GARRE1: variants seen among roughly 807,000 people sequenced by gnomAD.
GARRE1 encodes the protein granule associated Rac and RHOG effector 1, also known as granule associated Rac and RHOG effector protein 1.
In GARRE1, 49 loss-of-function variants were observed where a neutral mutation model predicts 103.2. The ratio of observed to expected loss-of-function variants is 0.47; its 90% CI spans 0.38 to 0.60. The LOEUF is 0.60. GARRE1 is among the 20% of genes least tolerant of loss of function. The probability of loss-of-function intolerance (pLI) is 0.00; values close to 1 mark genes in which losing one functional copy is unlikely to be tolerated. For synonymous variants in GARRE1, 505 were observed against 532.8 expected, an observed-to-expected ratio of 0.95 and a Z score of 0.72; for missense variants, 1,199 against 1,370.5, an observed-to-expected ratio of 0.87 and a Z score of 1.98.
chr19:34,316,536 G>A (rs537988984), intron 2 of GARRE1, among the ~76,000 whole-genome samples: 3 of 152,296 alleles, frequency 2.0e-5, no homozygotes, highest in South Asian at 4.1e-4. Context: ...TGAGATCCTC[G>A]GAGGGGAAAG....
At chr19:34,287,266 CAG>C (rs1384799308) in intron 1 of GARRE1, among the ~76,000 whole-genome samples, 2 of 152,190 alleles carry the variant, frequency 1.3e-5, no homozygotes, top group East Asian at 3.9e-4. Context: ...ATTCTAGTAT[CAG>C]AGAAGGAAGT....
At chr19:34,333,320 C>T (rs759789488) in intron 7 of GARRE1, among the ~76,000 whole-genome samples, 3 of 152,140 alleles carry the variant, frequency 2.0e-5, no homozygotes, top group Non-Finnish European at 2.9e-5. Context: ...GGATTACAGG[C>T]GTGAGCCACT....
At chr19:34,306,179 C>T (rs540098151) in intron 2 of GARRE1, among the ~76,000 whole-genome samples, 1 of 152,310 alleles carries the variant, frequency 6.6e-6, no homozygotes, top group East Asian at 1.9e-4. Context: ...ATAAGCAAGG[C>T]CCTGAGAGTC....
At chr19:34,268,986 C>G (rs887301353) in intron 1 of GARRE1, among the ~76,000 whole-genome samples, 2 of 152,156 alleles carry the variant, frequency 1.3e-5, no homozygotes, top group African/African-American at 4.8e-5. Context: ...TGTTCTTTAT[C>G]TATATTACTA....
intron 1 of GARRE1, among the ~76,000 whole-genome samples, chr19:34,270,840 GCA>G (rs1413306263): frequency 2.0e-5 from 3 of 152,190 alleles, no homozygotes; most frequent in Non-Finnish European, 4.4e-5. Context: ...CTTAAGAGCT[GCA>G]CTGTTGACAT....
At chr19:34,301,504 A>G (rs1160531198) in intron 2 of GARRE1, among the ~76,000 whole-genome samples, 1 of 117,934 alleles carries the variant, frequency 8.5e-6, no homozygotes, top group Non-Finnish European at 1.8e-5. Flanking sequence ...GCAGAGTGAG[A>G]CCATGTCTCA....
At chr19:34,323,616 A>G (rs1175702497) in intron 3 of GARRE1, among the ~76,000 whole-genome samples, 1 of 152,106 alleles carries the variant, frequency 6.6e-6, no homozygotes, top group Non-Finnish European at 1.5e-5. Flanking sequence ...GTAGATGGCT[A>G]AGCCCTGAGG....
chr19:34,317,621 C>T (rs2074066151), intron 2 of GARRE1, among the ~76,000 whole-genome samples: 1 of 152,200 alleles, frequency 6.6e-6, no homozygotes, highest in African/African-American at 2.4e-5. Context: ...TTAGAGTCTG[C>T]TGAAGGCAGT....
At chr19:34,286,945 A>G (rs1289464399) in intron 1 of GARRE1, among the ~76,000 whole-genome samples, 1 of 152,042 alleles carries the variant, frequency 6.6e-6, no homozygotes. Context: ...AGCATACATC[A>G]GAATCATCTG....
intron 1 of GARRE1, among the ~76,000 whole-genome samples, chr19:34,273,353 C>G (rs1010347177): frequency 1.3e-5 from 2 of 152,114 alleles, no homozygotes; most frequent in Non-Finnish European, 2.9e-5. Flanking sequence ...GTGACTGGTC[C>G]ATTTCTTTGG....
At chr19:34,318,313 G>A (rs2074069310) in intron 2 of GARRE1, among the ~76,000 whole-genome samples, 1 of 152,220 alleles carries the variant, frequency 6.6e-6, no homozygotes, top group Non-Finnish European at 1.5e-5. Flanking sequence ...GTGCACCTGA[G>A]GGGAGAGGAA....
At position 34,333,691 on chromosome 19, in the gene GARRE1, T is replaced by TTTTTTTTTTTC; in HGVS notation, c.1264-10_1264-9insTTTTTTTCTTT. 1 of 1,394,200 alleles carries TTTTTTTTTTTC rather than the reference T, an allele frequency of 7.2e-7. No individual in the cohort carries two copies. Among genetic ancestry groups the TTTTTTTTTTTC allele is most frequent in the Admixed American group, 2.1e-5 (1 of 47,528 alleles). The allele number at this position is 1,394,200 out of a possible 1,614,324, so 86.4% of individuals were successfully genotyped here. On this transcript the variant is annotated splice_polypyrimidine_tract_variant and intron_variant, in intron 7 of 13. Coordinates refer to ENST00000299505, the MANE Select transcript of GARRE1 (RefSeq NM_014686.5). Reference sequence around the variant, plus strand: ...GGTTGTTATTTGTTTTTTTTTTTTTTTTTCGATCTTAGGTGGTGGTTGACA... The same window carrying TTTTTTTTTTTC: ...GGTTGTTATTTGTTTTTTTTTTTTTTTTTTTTTTTTCTTTCGATCTTAGGTGGTGGTTGACA...
chr19:34,351,453 C>T lies in GARRE1; in HGVS notation c.2826-61C>T, dbSNP rs2074236458. The stretch of plus-strand genomic sequence containing the variant: ...GCTGGAGCCTAGCACTAGTGTGTAC[C>T]CTACAGGTGGGCTGGGCAGGAAGCC... On this transcript the variant is annotated intron_variant, in intron 12 of 13. Coordinates refer to ENST00000299505, the MANE Select transcript of GARRE1 (RefSeq NM_014686.5). 7.7e-6 allele frequency: 10 copies of T among 1,291,564 alleles called. No homozygotes were observed. The South Asian group carries it at 1.1e-4, about 14-fold the overall frequency. 80.0% of individuals were successfully genotyped at this position (1,291,564 alleles called of 1,614,324 possible). A position where few individuals can be genotyped will look rare whatever the true frequency, so the allele number is the denominator to read the frequency against.
At position 34,300,182 on chromosome 19, in the gene GARRE1, C is replaced by T. The variant is rs577391476; in HGVS notation, c.-292C>T. On this transcript the variant is annotated 5_prime_UTR_variant, in exon 2 of 14. Coordinates refer to ENST00000299505, the MANE Select transcript of GARRE1 (RefSeq NM_014686.5). ...CTTGCAAAGAAGTAAACATTTTTCT[C>T]AGCAAGCATATCCTTTTAGTAAGAG... The T allele has an allele frequency of 2.7e-5, 9 of 336,212 alleles. No individual in the cohort carries two copies. The South Asian group carries it at 1.2e-3, about 44-fold the overall frequency. The allele number at this position is 336,212 out of a possible 1,614,324, so 20.8% of individuals were successfully genotyped here.
At position 34,352,754 on chromosome 19, in the gene GARRE1, T is replaced by C. The variant is rs776842888; in HGVS notation, c.3012T>C (p.Pro1004=). The change falls in exon 14 of 14, where the codon CCT becomes CCC. Residue 1004 remains proline, a synonymous_variant. Transcript: ENST00000299505. The part of the protein sequence containing the change: ...PSAPLYAVTS[P]GSQWNDTMQM... The stretch of plus-strand genomic sequence containing the variant: ...CACCACTCTATGCAGTCACCAGCCC[T>C]GGCAGCCAGTGGAACGACACCATGC... 8 of 1,614,096 alleles carry C rather than the reference T, an allele frequency of 5.0e-6. No homozygotes were observed. The highest frequency in any genetic ancestry group is 5.9e-6 in the Non-Finnish European group (7 of 1,180,010).
chr19:34,262,649 A>G (rs2073726260), intron 1 of GARRE1, among the ~76,000 whole-genome samples: 1 of 152,126 alleles, frequency 6.6e-6, no homozygotes, highest in Admixed American at 6.6e-5. Context: ...CCAGTGTCTT[A>G]TATATGTTTA....
chr19:34,261,988 C>T (rs895621024), intron 1 of GARRE1, among the ~76,000 whole-genome samples: 1 of 151,952 alleles, frequency 6.6e-6, no homozygotes, highest in Non-Finnish European at 1.5e-5. Flanking sequence ...GTAGGTCTCC[C>T]TGCCTTTTTT....
At chr19:34,284,919 C>T (rs1322420880) in intron 1 of GARRE1, among the ~76,000 whole-genome samples, 5 of 151,990 alleles carry the variant, frequency 3.3e-5, no homozygotes, top group East Asian at 1.9e-4. Context: ...TAGCTGGGCA[C>T]GGTGGCATAT....
rs1332922861 is a variant in GARRE1 at position 34,296,613 on chromosome 19, A to G, written c.-795-3066A>G. 1.8e-5 allele frequency: 25 copies of G among 1,401,936 alleles called. No homozygotes were observed. The East Asian group carries it at 4.3e-4, about 24-fold the overall frequency. The allele number at this position is 1,401,936 out of a possible 1,614,324, so 86.8% of individuals were successfully genotyped here. Reference sequence around the variant, plus strand: ...CTTCTTGTGCTTCTTGGCAAAGTGCATGTTCCTCAGGAACCTGGGGTCCAT... The same window carrying G: ...CTTCTTGTGCTTCTTGGCAAAGTGCGTGTTCCTCAGGAACCTGGGGTCCAT... On this transcript the variant is annotated intron_variant, in intron 1 of 13. Transcript: ENST00000299505.
Sources: gnomAD v4.1 joint callset for allele counts (sites outside exome capture counted in the v4.1 genomes callset) on GRCh38, gnomAD v4.1.1 for gene constraint, MANE v1.5 for transcripts, NCBI Gene and HGNC (gene_info 2026-07-23, HGNC 2026-07-21) for gene names.